Variants in SGCZ observed in about 807,000 individuals in gnomAD.
SGCZ encodes the protein zeta-sarcoglycan.
A neutral mutation model predicts 41.3 loss-of-function variants in SGCZ; 40 were observed. The ratio of observed to expected loss-of-function variants is 0.97; its 90% CI spans 0.75 to 1.26. The LOEUF is 1.26. Ranked by LOEUF, SGCZ falls within the 50% of genes most tolerant of loss-of-function variation. SGCZ has a pLI of 0.00. For synonymous variants in SGCZ, 206 were observed against 137.5 expected (o/e 1.50, Z -3.49); for missense variants, 552 against 369.8 (o/e 1.49, Z -4.04).
At chr8:14,967,305 A>T (rs1440671786) in intron 1 of SGCZ, among the ~76,000 whole-genome samples, 1 of 152,150 alleles carries the variant, frequency 6.6e-6, no homozygotes, top group Non-Finnish European at 1.5e-5. Context: ...GTGCAAAGGG[A>T]TAGCGCTTCT....
intron 1 of SGCZ, among the ~76,000 whole-genome samples, chr8:14,613,398 C>G (rs906269937): frequency 6.6e-6 from 1 of 151,964 alleles, no homozygotes; most frequent in African/African-American, 2.4e-5. Flanking sequence ...TAGCAAAATA[C>G]CCTAGTATAA....
intron 1 of SGCZ, among the ~76,000 whole-genome samples, chr8:14,661,147 T>C (rs1386301159): frequency 6.6e-6 from 1 of 152,116 alleles, no homozygotes; most frequent in Non-Finnish European, 1.5e-5. Context: ...GCTAAAAAAA[T>C]AGAAGGTGCG....
At chr8:14,110,889 T>C (rs1186852366) in intron 5 of SGCZ, among the ~76,000 whole-genome samples, 1 of 152,102 alleles carries the variant, frequency 6.6e-6, no homozygotes, top group East Asian at 1.9e-4. Context: ...TCCTCTCCTC[T>C]CTACTAAAAA....
intron 1 of SGCZ, among the ~76,000 whole-genome samples, chr8:14,794,013 T>G (rs1042489955): frequency 6.6e-6 from 1 of 152,194 alleles, no homozygotes; most frequent in Non-Finnish European, 1.5e-5. Context: ...TACTGTACTT[T>G]GGAGAATATG....
chr8:14,948,628 A>T (rs978489598), intron 1 of SGCZ, among the ~76,000 whole-genome samples: 1 of 152,102 alleles, frequency 6.6e-6, no homozygotes, highest in Non-Finnish European at 1.5e-5. Context: ...TTCCTTTTTA[A>T]TAAAAGTGCT....
intron 1 of SGCZ, among the ~76,000 whole-genome samples, chr8:14,889,520 G>A (rs1256010184): frequency 6.6e-6 from 1 of 152,014 alleles, no homozygotes; most frequent in Non-Finnish European, 1.5e-5. Context: ...AAAGCTGGAG[G>A]GTGGTTGAGG....
chr8:14,933,780 C>A (rs1429233461), intron 1 of SGCZ, among the ~76,000 whole-genome samples: 1 of 151,954 alleles, frequency 6.6e-6, no homozygotes, highest in Non-Finnish European at 1.5e-5. Flanking sequence ...ATAGTATACA[C>A]TGATACAGCT....
chr8:14,293,392 T>G (rs1800905895), intron 3 of SGCZ, among the ~76,000 whole-genome samples: 1 of 152,002 alleles, frequency 6.6e-6, no homozygotes, highest in Non-Finnish European at 1.5e-5. Context: ...CAAAGAGAAA[T>G]CTTTGGAAAT....
At chr8:14,644,751 A>G (rs1420194825) in intron 1 of SGCZ, among the ~76,000 whole-genome samples, 1 of 151,738 alleles carries the variant, frequency 6.6e-6, no homozygotes, top group Non-Finnish European at 1.5e-5. Context: ...AGAAATGCAA[A>G]TGTACTTCTT....
chr8:14,266,668 A>G (rs1052034582), intron 3 of SGCZ, among the ~76,000 whole-genome samples: 31 of 152,238 alleles, frequency 2.0e-4, no homozygotes, highest in African/African-American at 7.5e-4. Context: ...CTGATGGGTC[A>G]TTGTGAGGGT....
intron 1 of SGCZ, among the ~76,000 whole-genome samples, chr8:15,194,904 T>C (rs1322390655): frequency 2.0e-5 from 3 of 152,220 alleles, no homozygotes; most frequent in Admixed American, 2.0e-4. Flanking sequence ...AGTTTCCTAT[T>C]GCTGCTGAAA....
At chr8:14,839,764 G>A (rs1354249160) in intron 1 of SGCZ, among the ~76,000 whole-genome samples, 1 of 151,858 alleles carries the variant, frequency 6.6e-6, no homozygotes, top group Non-Finnish European at 1.5e-5. Flanking sequence ...CGTATTTCTT[G>A]TAAACAAAAA....
At chr8:14,967,066 C>G (rs7008305) in intron 1 of SGCZ, among the ~76,000 whole-genome samples, 1 of 152,060 alleles carries the variant, frequency 6.6e-6, no homozygotes, top group African/African-American at 2.4e-5. Flanking sequence ...GATTAAGTCA[C>G]TCTTTCATTT....
chr8:14,686,510 T>C (rs997102700), intron 1 of SGCZ, among the ~76,000 whole-genome samples: 14 of 152,006 alleles, frequency 9.2e-5, no homozygotes, highest in South Asian at 4.1e-4. Flanking sequence ...AATTGATAAA[T>C]TGGTCACTAA....
chr8:14,635,012 C>T (rs994892939), intron 1 of SGCZ, among the ~76,000 whole-genome samples: 7 of 151,214 alleles, frequency 4.6e-5, no homozygotes, highest in African/African-American at 1.5e-4. Context: ...TATACATAGG[C>T]TTTTTTTAGT....
In SGCZ at chr8:14,418,608, GCTAA is replaced by G. The variant is rs35523346; in HGVS notation, c.235-94408_235-94405del. Among the ~76,000 whole-genome samples, 1,342 of 151,908 alleles carry G rather than the reference GCTAA, an allele frequency of 8.8e-3. 54 individuals carry two copies. The highest frequency in any genetic ancestry group is 0.063 in the Admixed American group (954 of 15,216). Reference sequence around the variant, plus strand: ...AGTTTGGTGTCAGTTTTCAAAGTCTGCTAACTATCAATTAATTATCAACAACAAG... The same window carrying G: ...AGTTTGGTGTCAGTTTTCAAAGTCTGCTATCAATTAATTATCAACAACAAG... On this transcript the variant is annotated intron_variant, in intron 2 of 7. Transcript: ENST00000382080.
At chr8:14,802,549 G>A (rs935426191) in intron 1 of SGCZ, among the ~76,000 whole-genome samples, 2 of 152,110 alleles carry the variant, frequency 1.3e-5, no homozygotes, top group African/African-American at 4.8e-5. Context: ...ATGATCATTT[G>A]CTGCCGCCTT....
At chr8:14,715,640 T>G (rs1809664991) in intron 1 of SGCZ, among the ~76,000 whole-genome samples, 1 of 151,984 alleles carries the variant, frequency 6.6e-6, no homozygotes, top group East Asian at 1.9e-4. Flanking sequence ...AAATTATGTC[T>G]GATAATTCCT....
chr8:14,221,349 T>C (rs2117121815), intron 4 of SGCZ, among the ~76,000 whole-genome samples: 1 of 152,342 alleles, frequency 6.6e-6, no homozygotes, highest in South Asian at 2.1e-4. Context: ...TTTACACACA[T>C]GGTTTATAAT....
Sources: allele counts gnomAD v4.1 joint callset (sites outside exome capture counted in the v4.1 genomes callset), GRCh38; gene constraint gnomAD v4.1.1; transcripts MANE v1.5; gene names NCBI Gene and HGNC (gene_info 2026-07-23, HGNC 2026-07-21).